The following ST3GAL2 variants were observed in gnomAD, a reference collection of about 807,000 sequenced individuals.
The protein encoded by ST3GAL2 is CMP-N-acetylneuraminate-beta-galactosamide-alpha-2,3-sialyltransferase 2.
Under a neutral mutation model 37.5 loss-of-function variants are expected in ST3GAL2, and 16 were observed. That is an observed-to-expected ratio of 0.43 (90% CI 0.29 to 0.65). The LOEUF (loss-of-function observed/expected upper bound fraction) is 0.65, where lower values mean the gene tolerates loss of function less well. ST3GAL2 is among the 30% of genes least tolerant of loss of function. The pLI is 0.17. For synonymous variants in ST3GAL2, 238 were observed against 202.9 expected (o/e 1.17, Z -1.47); for missense variants, 383 against 487.8 (o/e 0.79, Z 2.02).
chr16:70,384,327 G>T lies in ST3GAL2; in HGVS notation c.714-1092C>A, dbSNP rs562977806. Among the ~76,000 whole-genome samples, 4 of 152,296 alleles carry T rather than the reference G, an allele frequency of 2.6e-5. No homozygotes were observed. The South Asian group carries it at 8.3e-4, about 32-fold the overall frequency. Reference sequence around the variant, plus strand: ...TTCTGACACATGCTACAACACGGATGAACTATGAGGACATTATGCTAAGTA... The same window carrying T: ...TTCTGACACATGCTACAACACGGATTAACTATGAGGACATTATGCTAAGTA... On this transcript the variant is annotated intron_variant, in intron 4 of 6. Transcript: ENST00000342907.
intron 2 of ST3GAL2, among the ~76,000 whole-genome samples, chr16:70,395,711 G>A (rs954752248): frequency 1.2e-4 from 19 of 152,162 alleles, no homozygotes; most frequent in African/African-American, 4.3e-4. Flanking sequence ...TCCTACCAGC[G>A]AGACCTGTAC....
intron 1 of ST3GAL2, among the ~76,000 whole-genome samples, chr16:70,401,923 G>A (rs1312545817): frequency 6.6e-6 from 1 of 151,198 alleles, no homozygotes; most frequent in African/African-American, 2.4e-5. Context: ...GAACCCAGGA[G>A]GCGGAGGTTG....
At chr16:70,381,988 G>A in intron 6 of ST3GAL2, 126 bp from the exon 7 acceptor site, 1 of 1,240,212 alleles carries the variant, frequency 8.1e-7, no homozygotes, top group Non-Finnish European at 1.1e-6. Flanking sequence ...CCCCAGGCCT[G>A]GCCTAAGGAC....
At chr16:70,391,590 C>T (rs1402653292) in intron 3 of ST3GAL2, among the ~76,000 whole-genome samples, 1 of 152,118 alleles carries the variant, frequency 6.6e-6, no homozygotes, top group Non-Finnish European at 1.5e-5. Context: ...TGCCAAGCAC[C>T]CTGGGGCCTG....
intron 1 of ST3GAL2, among the ~76,000 whole-genome samples, chr16:70,430,592 C>T (rs2047783174): frequency 6.6e-6 from 1 of 152,206 alleles, no homozygotes; most frequent in South Asian, 2.1e-4. Context: ...ACCCATGGAC[C>T]TGGGGTCTCC....
chr16:70,425,241 C>A (rs1183287244), intron 1 of ST3GAL2, among the ~76,000 whole-genome samples: 1 of 152,168 alleles, frequency 6.6e-6, no homozygotes, highest in Non-Finnish European at 1.5e-5. Flanking sequence ...GTGGACAGAT[C>A]ACCTGAGGTC....
intron 1 of ST3GAL2, among the ~76,000 whole-genome samples, chr16:70,431,077 A>C (rs2047786565): frequency 7.0e-6 from 1 of 142,142 alleles, no homozygotes; most frequent in Non-Finnish European, 1.5e-5. Flanking sequence ...CCTGCAAAGA[A>C]GACAGGAAGG....
At position 70,379,164 on chromosome 16, in the gene ST3GAL2, T is replaced by C. The variant is rs1018628511; in HGVS notation, c.*2525A>G. Reference sequence around the variant, plus strand: ...GCCACCCAAATGTATCGGAGCCTGATGGATACCTGGAGACATCATGTTGAC... The same window carrying C: ...GCCACCCAAATGTATCGGAGCCTGACGGATACCTGGAGACATCATGTTGAC... On this transcript the variant is annotated 3_prime_UTR_variant, in exon 7 of 7. Transcript: ENST00000342907. 6.6e-6 allele frequency: 1 copy of C among 152,192 alleles called. No homozygotes were observed. The highest frequency in any genetic ancestry group is 6.6e-5 in the Admixed American group (1 of 15,262). 9.4% of individuals were successfully genotyped at this position (152,192 alleles called of 1,614,324 possible).
At chr16:70,427,178 C>T (rs1350463613) in intron 1 of ST3GAL2, among the ~76,000 whole-genome samples, 4 of 152,012 alleles carry the variant, frequency 2.6e-5, no homozygotes, top group Admixed American at 1.3e-4. Context: ...GTGACAGTCA[C>T]GCCCCTGAAC....
At chr16:70,401,269 A>C (rs2047552980) in intron 1 of ST3GAL2, among the ~76,000 whole-genome samples, 1 of 152,236 alleles carries the variant, frequency 6.6e-6, no homozygotes, top group Non-Finnish European at 1.5e-5. Context: ...GAAGCAACTC[A>C]ATCAGGGAAG....
At position 70,382,791 on chromosome 16, in the gene ST3GAL2, A is replaced by T. The variant is rs752429656; in HGVS notation, c.879+14T>A. ...TCCATGGGTTCCCACCACCCACACC[A>T]CGGGCCTACCCACCTCATCACACAC... On this transcript the variant is annotated intron_variant, in intron 6 of 6. Transcript: ENST00000342907. The T allele has an allele frequency of 3.7e-6, 6 of 1,613,732 alleles. No homozygotes were observed. The South Asian group carries it at 6.6e-5, about 18-fold the overall frequency.
At chr16:70,396,568 C>T (rs1164571718) in intron 2 of ST3GAL2, among the ~76,000 whole-genome samples, 1 of 152,084 alleles carries the variant, frequency 6.6e-6, no homozygotes, top group Non-Finnish European at 1.5e-5. Context: ...TGTGCCACTG[C>T]AAAGACAGTG....
At chr16:70,395,276 G>A in intron 2 of ST3GAL2, 101 bp from the exon 3 acceptor site, 9 of 1,106,604 alleles carry the variant, frequency 8.1e-6, no homozygotes, top group Non-Finnish European at 7.7e-6. Context: ...TCCTGTGTCT[G>A]GGCACAGGCC....
intron 2 of ST3GAL2, among the ~76,000 whole-genome samples, chr16:70,397,043 CTTT>C (rs35885469): frequency 3.8e-5 from 5 of 130,278 alleles, no homozygotes; most frequent in Admixed American, 8.1e-5. Flanking sequence ...TCTTTTCTTT[CTTT>C]TTTTTTTTTT....
chr16:70,415,680 G>A (rs370537331), intron 1 of ST3GAL2, among the ~76,000 whole-genome samples: 1 of 151,224 alleles, frequency 6.6e-6, no homozygotes, highest in Non-Finnish European at 1.5e-5. Context: ...TCAAATTCCT[G>A]ACTTCAAGTG....
At chr16:70,389,741 G>A (rs2047469859) in intron 3 of ST3GAL2, among the ~76,000 whole-genome samples, 1 of 152,050 alleles carries the variant, frequency 6.6e-6, no homozygotes, top group Non-Finnish European at 1.5e-5. Flanking sequence ...TGGGATTACA[G>A]GCGTGAGCCA....
chr16:70,389,267 A>T (rs1298379471), intron 3 of ST3GAL2, among the ~76,000 whole-genome samples: 1 of 139,768 alleles, frequency 7.2e-6, no homozygotes, highest in African/African-American at 2.6e-5. Flanking sequence ...TGGGGGCTTA[A>T]CTCATTTTTA....
At position 70,415,869 on chromosome 16, in the gene ST3GAL2, G is replaced by A. The variant is rs1043371492; in HGVS notation, c.-1003-16336C>T. The stretch of plus-strand genomic sequence containing the variant: ...TGGCTCACCGCAACCTCCGCCTCCC[G>A]GGTTCAAGCGATTCTCCTGCCTCAG... On this transcript the variant is annotated intron_variant, in intron 1 of 6. Transcript: ENST00000342907. Among the ~76,000 whole-genome samples, 11 of 147,886 alleles carry A rather than the reference G, an allele frequency of 7.4e-5. No individual in the cohort carries two copies. The East Asian group carries it at 2.0e-3, about 28-fold the overall frequency.
At chr16:70,407,031 T>C (rs942480844) in intron 1 of ST3GAL2, among the ~76,000 whole-genome samples, 1 of 151,750 alleles carries the variant, frequency 6.6e-6, no homozygotes, top group African/African-American at 2.4e-5. Flanking sequence ...CAGTGAGGAG[T>C]GTCCCTTTAT....
Sources: gnomAD v4.1 joint callset for allele counts (sites outside exome capture counted in the v4.1 genomes callset) on GRCh38, gnomAD v4.1.1 for gene constraint, MANE v1.5 for transcripts, NCBI Gene and HGNC (gene_info 2026-07-23, HGNC 2026-07-21) for gene names.